Variants in MSANTD3 observed in about 807,000 individuals in gnomAD.
The protein encoded by MSANTD3 is Myb/SANT DNA binding domain containing 3.
Under a neutral mutation model 27.7 loss-of-function variants are expected in MSANTD3, and 11 were observed. The observed-to-expected ratio is 0.40, with a 90% CI of 0.25 to 0.66. The LOEUF is 0.66. Among genes scored for constraint, MSANTD3 ranks in the 30% least tolerant of loss-of-function variants. MSANTD3 has a pLI of 0.41. For missense variants in MSANTD3, 250 were observed against 336.5 expected (o/e 0.74, Z 2.01); for synonymous variants, 131 against 127.2 (o/e 1.03, Z -0.20).
intron 1 of MSANTD3, among the ~76,000 whole-genome samples, chr9:100,435,006 G>T (rs764478693): frequency 2.0e-5 from 3 of 152,074 alleles, no homozygotes; most frequent in African/African-American, 7.2e-5. Flanking sequence ...CACACACACA[G>T]TATTATTCTA....
At chr9:100,439,518 T>G (rs1433393822) in intron 1 of MSANTD3, among the ~76,000 whole-genome samples, 4 of 150,858 alleles carry the variant, frequency 2.7e-5, no homozygotes, top group Non-Finnish European at 5.9e-5. Context: ...TTTTTTTTAA[T>G]TTTTTTTTCG....
At chr9:100,436,622 T>C (rs1170538811) in intron 1 of MSANTD3, among the ~76,000 whole-genome samples, 1 of 152,118 alleles carries the variant, frequency 6.6e-6, no homozygotes, top group African/African-American at 2.4e-5. Flanking sequence ...TTATGGACAA[T>C]TGATGAATAG....
chr9:100,437,903 T>A (rs1836512071), intron 1 of MSANTD3, among the ~76,000 whole-genome samples: 2 of 152,214 alleles, frequency 1.3e-5, no homozygotes, highest in Admixed American at 1.3e-4. Flanking sequence ...TTGTGCATAT[T>A]AAACATTTGT....
intron 1 of MSANTD3, among the ~76,000 whole-genome samples, chr9:100,432,987 G>C (rs552574645): frequency 1.5e-4 from 23 of 152,238 alleles, no homozygotes; most frequent in Non-Finnish European, 3.1e-4. Flanking sequence ...AAGTAAAGAA[G>C]ACGTGCCAAG....
intron 2 of MSANTD3, among the ~76,000 whole-genome samples, chr9:100,443,510 T>C (rs1353711437): frequency 1.3e-5 from 2 of 152,230 alleles, no homozygotes; most frequent in Non-Finnish European, 2.9e-5. Context: ...TTTGCCATTA[T>C]ACTATTGTGA....
intron 1 of MSANTD3, among the ~76,000 whole-genome samples, chr9:100,433,680 C>T (rs1836418503): frequency 1.3e-5 from 2 of 152,126 alleles, no homozygotes; most frequent in African/African-American, 4.8e-5. Flanking sequence ...TGGCCAAGGT[C>T]CTTTGTAGTT....
intron 1 of MSANTD3, among the ~76,000 whole-genome samples, chr9:100,430,762 A>G (rs1442839995): frequency 1.3e-5 from 2 of 152,224 alleles, no homozygotes; most frequent in African/African-American, 4.8e-5. Context: ...TGAAGATTAC[A>G]TTTCTGCTTT....
At chr9:100,436,392 T>G (rs1053756709) in intron 1 of MSANTD3, among the ~76,000 whole-genome samples, 1 of 152,238 alleles carries the variant, frequency 6.6e-6, no homozygotes, top group Non-Finnish European at 1.5e-5. Flanking sequence ...TCAAAATATC[T>G]GCATTTATGA....
Position 100,451,131 on chromosome 9 carries a change from C to A in MSANTD3, c.*165C>A. On this transcript the variant is annotated 3_prime_UTR_variant, in exon 3 of 3. Transcript: ENST00000395067. ...CAGGTAAACAGCTGCACCCTCTGTACCCCTTAAGTGGCAAAGAAGCTGTTA... is the reference window on the plus strand; with the variant it reads ...CAGGTAAACAGCTGCACCCTCTGTAACCCTTAAGTGGCAAAGAAGCTGTTA... 1 of 623,572 alleles carries A rather than the reference C, an allele frequency of 1.6e-6. No individual in the cohort carries two copies. The highest frequency in any genetic ancestry group is 2.6e-6 in the Non-Finnish European group (1 of 377,604). The allele number at this position is 623,572 out of a possible 1,614,324, so 38.6% of individuals were successfully genotyped here.
At position 100,441,998 on chromosome 9, in the gene MSANTD3, C is replaced by A; in HGVS notation, c.60C>A (p.Ile20=). ...ACTTCTCAGAATTGGAAAAGAGCAT[C>A]CTGCTGGCTTTAGTAGAAAAGTATA... ...AKYFSELEKS[I]LLALVEKYKY... The change falls in exon 2 of 3, where the codon ATC becomes ATA. Residue 20 remains isoleucine, a synonymous_variant. Transcript: ENST00000395067. 1 of 1,614,086 alleles carries A rather than the reference C, an allele frequency of 6.2e-7. No homozygotes were observed. Among genetic ancestry groups the A allele is most frequent in the Non-Finnish European group, 8.5e-7 (1 of 1,179,966 alleles).
At chr9:100,428,968 GAGA>G (rs1254672208) in intron 1 of MSANTD3, among the ~76,000 whole-genome samples, 2 of 152,260 alleles carry the variant, frequency 1.3e-5, no homozygotes, top group East Asian at 3.9e-4. Flanking sequence ...GGAAAGGCAG[GAGA>G]AGAAGGAGCT....
chr9:100,450,676 A>G lies in MSANTD3; in HGVS notation c.538A>G (p.Asn180Asp), dbSNP rs753127204. 8 of 1,614,052 alleles carry G rather than the reference A, an allele frequency of 5.0e-6. No homozygotes were observed. The highest frequency in any genetic ancestry group is 2.7e-5 in the African/African-American group (2 of 74,924). ...PSCSAVRITA[N>D]KNYRSKTSQE... ...GTGTTCAGCTGTCAGAATAACAGCC[A>G]ATAAAAACTACAGGAGCAAAACCTC... The change falls in exon 3 of 3, where the codon AAT (asparagine) becomes GAT (aspartate). Residue 180 changes from asparagine to aspartate, a missense_variant. Asn to Asp is a conservative substitution (Grantham distance 23). This residue lies in a region of MSANTD3 where 235 missense variants were observed against 299.3 expected (regional missense o/e 0.79). Coordinates refer to ENST00000395067, the MANE Select transcript of MSANTD3 (RefSeq NM_080655.3).
In MSANTD3 at chr9:100,441,761, G is replaced by A. The variant is rs764239684; in HGVS notation, c.-33-145G>A. On this transcript the variant is annotated intron_variant, in intron 1 of 2. Transcript: ENST00000395067. ...AGTACATTTCTAAATATTCTCCAGA[G>A]TCCTGAATATCATAATTCAACCTTA... is the stretch of plus-strand genomic sequence containing the variant. 606 of 951,390 alleles carry A rather than the reference G, an allele frequency of 6.4e-4. 2 individuals carry two copies. The highest frequency in any genetic ancestry group is 8.1e-4 in the Non-Finnish European group (535 of 661,590). The allele number at this position is 951,390 out of a possible 1,614,324, so 58.9% of individuals were successfully genotyped here.
chr9:100,434,028 A>G (rs1427544644), intron 1 of MSANTD3, among the ~76,000 whole-genome samples: 1 of 152,166 alleles, frequency 6.6e-6, no homozygotes, highest in Non-Finnish European at 1.5e-5. Flanking sequence ...AGCCTATCCC[A>G]CAATACATGT....
chr9:100,429,718 G>T (rs1420444517), intron 1 of MSANTD3: 40 of 148,366 alleles, frequency 2.7e-4, no homozygotes, highest in Middle Eastern at 3.4e-3. Flanking sequence ...TTTTTTTTTT[G>T]GGGGGGGACA....
In MSANTD3 at chr9:100,441,933, T is replaced by A; in HGVS notation, c.-6T>A. 1 of 1,598,902 alleles carries A rather than the reference T, an allele frequency of 6.3e-7. No homozygotes were observed. Among genetic ancestry groups the A allele is most frequent in the Non-Finnish European group, 8.5e-7 (1 of 1,171,124 alleles). ...TAGCTAGCGGCCAGGAGAAATACAG[T>A]GGAAAATGCAAAACAACGAAATTAT... On this transcript the variant is annotated 5_prime_UTR_variant, in exon 2 of 3. Coordinates refer to ENST00000395067, the MANE Select transcript of MSANTD3 (RefSeq NM_080655.3).
intron 1 of MSANTD3, among the ~76,000 whole-genome samples, chr9:100,428,560 C>T (rs551250042): frequency 1.6e-4 from 25 of 152,186 alleles, no homozygotes; most frequent in Admixed American, 1.5e-3. Context: ...CAGATTTCAT[C>T]CCTCCCGTAG....
chr9:100,451,076 T>C lies in MSANTD3; in HGVS notation c.*110T>C. ...AGAGCTACAACTAGGAAAATTAGAG[T>C]GGTAGTAGTCACTTATTTAAGAATT... On this transcript the variant is annotated 3_prime_UTR_variant, in exon 3 of 3. Transcript: ENST00000395067. 9.3e-7 allele frequency: 1 copy of C among 1,073,646 alleles called. No homozygotes were observed. The highest frequency in any genetic ancestry group is 1.6e-5 in the South Asian group (1 of 61,966). The allele number at this position is 1,073,646 out of a possible 1,614,324, so 66.5% of individuals were successfully genotyped here. A position where few individuals can be genotyped will look rare whatever the true frequency, so the allele number is the denominator to read the frequency against.
intron 1 of MSANTD3, among the ~76,000 whole-genome samples, chr9:100,428,433 A>G (rs58030694): frequency 0.15 from 22,550 of 152,154 alleles, 1,876 homozygotes; most frequent in Middle Eastern, 0.21. Flanking sequence ...GTGGGAGTCC[A>G]GGGCCAGAGA....
Sources: gnomAD v4.1 joint callset for allele counts (sites outside exome capture counted in the v4.1 genomes callset) on GRCh38, gnomAD v4.1.1 for gene constraint, gnomAD v4.1.1 regional missense constraint, MANE v1.5 for transcripts, NCBI Gene and HGNC (gene_info 2026-07-23, HGNC 2026-07-21) for gene names.